The following VDAC1 variants were observed in gnomAD, a reference collection of about 807,000 sequenced individuals.
VDAC1 encodes voltage dependent anion channel 1.
In VDAC1, 10 loss-of-function variants were observed where a neutral mutation model predicts 34.7. The observed-to-expected ratio is 0.29, with a 90% confidence interval of 0.18 to 0.49. The LOEUF is 0.49. Among genes scored for constraint, VDAC1 ranks in the 20% least tolerant of loss-of-function variants. The probability of loss-of-function intolerance (pLI) is 0.99; values close to 1 mark genes in which losing one functional copy is unlikely to be tolerated. For missense variants in VDAC1, 230 were observed against 347.9 expected (o/e 0.66, Z 2.69); for synonymous variants, 130 against 136.0 (o/e 0.96, Z 0.30).
rs1753132711 is a variant in VDAC1, at chr5:133,992,260, T to A, written c.117+46A>T. ...TCAAAAATAAATAAATAAAATAAAATAAAAATAAATAAATACTCATGTTCC... is the reference window on the plus strand; with the variant it reads ...TCAAAAATAAATAAATAAAATAAAAAAAAAATAAATAAATACTCATGTTCC... On this transcript the variant is annotated intron_variant, in intron 3 of 8. Coordinates refer to ENST00000265333, the MANE Select transcript of VDAC1 (RefSeq NM_003374.3). 3 of 1,316,084 alleles carry A rather than the reference T, an allele frequency of 2.3e-6. No homozygotes were observed. In the East Asian group the frequency reaches 8.5e-5, roughly 37 times the overall value. The allele number at this position is 1,316,084 out of a possible 1,614,324, so 81.5% of individuals were successfully genotyped here.
the VDAC1 span, among the ~76,000 whole-genome samples, chr5:134,044,387 C>T: frequency 1.2e-4 from 18 of 152,324 alleles, no homozygotes; most frequent in African/African-American, 1.9e-4. Context: ...ATGGGAGATC[C>T]GCCCCATCCT....
At chr5:133,975,648 A>G (rs1752448505) in intron 7 of VDAC1, among the ~76,000 whole-genome samples, 1 of 152,008 alleles carries the variant, frequency 6.6e-6, no homozygotes, top group Non-Finnish European at 1.5e-5. Flanking sequence ...TTTAGTAGAC[A>G]GGGTTTCACC....
the VDAC1 span, among the ~76,000 whole-genome samples, chr5:134,111,085 G>T: frequency 6.6e-6 from 1 of 152,206 alleles, no homozygotes; most frequent in Admixed American, 6.5e-5. Context: ...CAACAGAGCA[G>T]GGCAGGCCTG....
chr5:134,076,685 C>T, the VDAC1 span, among the ~76,000 whole-genome samples: 11 of 152,116 alleles, frequency 7.2e-5, no homozygotes, highest in African/African-American at 2.7e-4. Flanking sequence ...ACACGGCCCT[C>T]CTCCCAGTGG....
At chr5:134,102,198 G>A in the VDAC1 span, among the ~76,000 whole-genome samples, 1 of 152,090 alleles carries the variant, frequency 6.6e-6, no homozygotes. Flanking sequence ...CCGCCGCTCT[G>A]GGGGGACTCT....
chr5:134,059,220 C>T, the VDAC1 span, among the ~76,000 whole-genome samples: 1 of 152,132 alleles, frequency 6.6e-6, no homozygotes, highest in Non-Finnish European at 1.5e-5. Flanking sequence ...AGACTGGGCA[C>T]TCTTACAGCT....
chr5:134,094,631 A>C, the VDAC1 span, among the ~76,000 whole-genome samples: 1 of 132,178 alleles, frequency 7.6e-6, no homozygotes, highest in African/African-American at 2.8e-5. Flanking sequence ...CGGGAGGCGG[A>C]GCTTGCAGTA....
intron 6 of VDAC1, among the ~76,000 whole-genome samples, chr5:133,979,424 C>CTTGTTTTTTTTTT (rs1752602706): frequency 1.2e-5 from 1 of 80,992 alleles, no homozygotes; most frequent in African/African-American, 5.1e-5. Context: ...ATTTTCTTTG[C>CTTGTTTTTTTTTT]TTTTTTTTTT....
At chr5:134,054,439 T>A in the VDAC1 span, among the ~76,000 whole-genome samples, 5 of 149,140 alleles carry the variant, frequency 3.4e-5, no homozygotes, top group African/African-American at 1.2e-4. Context: ...TTTATTTTCC[T>A]TTCTTTCTTC....
the VDAC1 span, among the ~76,000 whole-genome samples, chr5:134,063,404 A>G: frequency 1.3e-5 from 2 of 152,156 alleles, no homozygotes; most frequent in Non-Finnish European, 2.9e-5. Flanking sequence ...CCCTGTCTCT[A>G]TCCCTGTATC....
At chr5:134,018,464 TCA>T in the VDAC1 span, among the ~76,000 whole-genome samples, 8 of 152,134 alleles carry the variant, frequency 5.3e-5, no homozygotes, top group African/African-American at 1.9e-4. Context: ...CCAAACCATA[TCA>T]CACACCTGGG....
chr5:134,007,098 G>C (rs1486826785), upstream of VDAC1, among the ~76,000 whole-genome samples: 1 of 152,042 alleles, frequency 6.6e-6, no homozygotes, highest in Non-Finnish European at 1.5e-5. Flanking sequence ...ACAAAAATTA[G>C]CCGGGCATGG....
chr5:134,111,696 G>C, the VDAC1 span, among the ~76,000 whole-genome samples: 1 of 152,012 alleles, frequency 6.6e-6, no homozygotes, highest in Non-Finnish European at 1.5e-5. Context: ...GAAAGTCAGG[G>C]CTCCATATTA....
At chr5:133,972,893 G>A (rs763881304) in intron 8 of VDAC1, 31 bp from the exon 9 acceptor site, 7 of 1,551,214 alleles carry the variant, frequency 4.5e-6, no homozygotes, top group Non-Finnish European at 6.2e-6. Flanking sequence ...GAGAGGAAAG[G>A]AGGAGGAATG....
the VDAC1 span, among the ~76,000 whole-genome samples, chr5:134,110,025 G>C: frequency 2.8e-4 from 43 of 152,284 alleles, no homozygotes; most frequent in Non-Finnish European, 5.4e-4. Context: ...ACTCCTTCCT[G>C]GGGAAATTCA....
the VDAC1 span, among the ~76,000 whole-genome samples, chr5:134,052,586 A>C: frequency 6.6e-6 from 1 of 152,030 alleles, no homozygotes; most frequent in Non-Finnish European, 1.5e-5. Flanking sequence ...CTCAACCAAA[A>C]CTTATATTAA....
upstream of VDAC1, among the ~76,000 whole-genome samples, chr5:134,008,924 A>G (rs528425155): frequency 6.6e-6 from 1 of 152,292 alleles, no homozygotes; most frequent in South Asian, 2.1e-4. Flanking sequence ...GTTTGTGGTC[A>G]AGGATCTCAG....
chr5:134,006,072 G>C (rs1250860652), upstream of VDAC1, among the ~76,000 whole-genome samples: 1 of 152,192 alleles, frequency 6.6e-6, no homozygotes, highest in African/African-American at 2.4e-5. Flanking sequence ...CTGAGGAAGA[G>C]GGCAGCTGAT....
At chr5:134,037,478 A>G in the VDAC1 span, among the ~76,000 whole-genome samples, 2 of 152,196 alleles carry the variant, frequency 1.3e-5, no homozygotes, top group African/African-American at 4.8e-5. Flanking sequence ...TAACTAGCCT[A>G]TATTAAGGCC....
Sources: gnomAD v4.1 joint callset for allele counts (sites outside exome capture counted in the v4.1 genomes callset) on GRCh38, gnomAD v4.1.1 for gene constraint, MANE v1.5 for transcripts, NCBI Gene and HGNC (gene_info 2026-07-23, HGNC 2026-07-21) for gene names.